Variants in COL22A1 observed in about 807,000 individuals in gnomAD.
The protein encoded by COL22A1 is collagen type XXII alpha 1 chain.
A neutral mutation model predicts 248.9 loss-of-function variants in COL22A1; 221 were observed. That is an observed-to-expected ratio of 0.89 (90% CI 0.80 to 0.99). The LOEUF (loss-of-function observed/expected upper bound fraction) is 0.99. Ranked by LOEUF, COL22A1 falls within the 50% of genes least tolerant of loss-of-function variation. COL22A1 has a pLI of 0.00. For missense variants in COL22A1, 2,240 were observed against 2,179.0 expected, an observed-to-expected ratio of 1.03 and a Z score of -0.56; for synonymous variants, 891 against 793.4, an observed-to-expected ratio of 1.12 and a Z score of -2.07.
intron 3 of COL22A1, among the ~76,000 whole-genome samples, chr8:138,856,622 C>A: frequency 7.3e-6 from 1 of 137,202 alleles, no homozygotes; most frequent in South Asian, 2.3e-4. Context: ...GAGAGAGGAG[C>A]AGAGAAAGCA....
chr8:138,808,245 A>G (rs1817897975), intron 9 of COL22A1, among the ~76,000 whole-genome samples: 1 of 152,210 alleles, frequency 6.6e-6, no homozygotes, highest in South Asian at 2.1e-4. Context: ...AGTATTTGAG[A>G]GGATGGATAT....
chr8:138,823,988 CT>C (rs1242313619), intron 6 of COL22A1, among the ~76,000 whole-genome samples: 1 of 152,180 alleles, frequency 6.6e-6, no homozygotes, highest in Non-Finnish European at 1.5e-5. Flanking sequence ...CAACCTGGGT[CT>C]TCTGGTCTCT....
In COL22A1 at chr8:138,716,850, C is replaced by G; in HGVS notation, c.2375G>C (p.Gly792Ala). The G allele has an allele frequency of 6.2e-7, 1 of 1,612,370 alleles. No individual in the cohort carries two copies. The highest frequency in any genetic ancestry group is 1.1e-5 in the South Asian group (1 of 91,018). Residue 792 changes from glycine to alanine, a missense_variant, in exon 28 of 65, where the codon GGC becomes GCC. Gly to Ala is a moderately conservative substitution (Grantham distance 60). Coordinates refer to ENST00000303045, the MANE Select transcript of COL22A1 (RefSeq NM_152888.3). ...CTTCTCTCCAGGTCGGCCTGCCAGG[C>G]CCTGCTCCCCAATTTCTCCCTGAAA... ...PGLRGEIGEQGLAGRPGEKGE... is the reference protein window; with the variant it reads ...PGLRGEIGEQALAGRPGEKGE...
chr8:138,590,530 AAAAT>A (rs1564068918), intron 64 of COL22A1, among the ~76,000 whole-genome samples: 1 of 152,148 alleles, frequency 6.6e-6, no homozygotes, highest in African/African-American at 2.4e-5. Flanking sequence ...GTGAGCCATA[AAAAT>A]AAATATTAAT....
chr8:138,608,885 T>C (rs1033907238), intron 56 of COL22A1, among the ~76,000 whole-genome samples: 6 of 152,202 alleles, frequency 3.9e-5, no homozygotes, highest in Admixed American at 1.3e-4. Context: ...CGCCTTGTCG[T>C]TCTTTGGATT....
At chr8:138,717,065 C>T (rs1829495585) in intron 27 of COL22A1, among the ~76,000 whole-genome samples, 196 bp from the exon 28 acceptor site, 2 of 152,192 alleles carry the variant, frequency 1.3e-5, no homozygotes, top group Admixed American at 6.5e-5. Context: ...GAGCAGAATC[C>T]ACTTTCTCAT....
At chr8:138,617,028 T>C (rs541206653) in intron 53 of COL22A1, 70 bp from the exon 54 acceptor site, 9 of 1,560,420 alleles carry the variant, frequency 5.8e-6, no homozygotes, top group South Asian at 5.6e-5. Context: ...CAGGCATACC[T>C]CCCTGCCGGC....
intron 41 of COL22A1, among the ~76,000 whole-genome samples, chr8:138,675,146 TG>T (rs1200506906): frequency 6.6e-6 from 1 of 151,824 alleles, no homozygotes; most frequent in Non-Finnish European, 1.5e-5. Context: ...TCATTGTGAG[TG>T]GGTAGAAATA....
At chr8:138,655,538 A>T (rs1244047808) in intron 45 of COL22A1, among the ~76,000 whole-genome samples, 1 of 151,760 alleles carries the variant, frequency 6.6e-6, no homozygotes, top group African/African-American at 2.4e-5. Flanking sequence ...TTTAAAAAAC[A>T]TTTTTTTTGG....
intron 22 of COL22A1, among the ~76,000 whole-genome samples, chr8:138,742,933 G>T (rs1486748691): frequency 6.6e-6 from 1 of 151,812 alleles, no homozygotes; most frequent in African/African-American, 2.4e-5. Context: ...TAATGGTGGA[G>T]TTGATGGTGA....
At position 138,811,824 on chromosome 8, in the gene COL22A1, T is replaced by G. The variant is rs752357481; in HGVS notation, c.1424A>C (p.Asn475Thr). The G allele has an allele frequency of 1.9e-6, 3 of 1,611,964 alleles. No individual in the cohort carries two copies. Among genetic ancestry groups the G allele is most frequent in the South Asian group, 1.1e-5 (1 of 90,952 alleles). Reference sequence around the variant, plus strand: ...CTTCTCTCCAGCTGGGCAGGAGCAGTTGATGGTCTTCAAAAACCCAATCTG... The same window carrying G: ...CTTCTCTCCAGCTGGGCAGGAGCAGGTGATGGTCTTCAAAAACCCAATCTG... ...SEQIGFLKTI[N>T]CSCPAGEKGE... The change falls in exon 9 of 65, where the codon AAC (asparagine) becomes ACC (threonine). Residue 475 changes from asparagine (N) to threonine (T), a missense_variant. By Grantham distance (65) the Asn-to-Thr change is moderately conservative. Coordinates refer to ENST00000303045, the MANE Select transcript of COL22A1 (RefSeq NM_152888.3).
At chr8:138,652,854 C>T (rs1822883854) in intron 45 of COL22A1, among the ~76,000 whole-genome samples, 1 of 139,276 alleles carries the variant, frequency 7.2e-6, no homozygotes, top group African/African-American at 2.7e-5. Context: ...TCAAGCAATT[C>T]TCCCACCTCA....
At chr8:138,837,234 A>T (rs1820507319) in intron 4 of COL22A1, among the ~76,000 whole-genome samples, 1 of 152,156 alleles carries the variant, frequency 6.6e-6, no homozygotes, top group Non-Finnish European at 1.5e-5. Flanking sequence ...CCACCACCCC[A>T]GAGCCCCACC....
chr8:138,642,056 A>G (rs946066734), intron 47 of COL22A1, among the ~76,000 whole-genome samples: 25 of 152,196 alleles, frequency 1.6e-4, no homozygotes, highest in African/African-American at 5.8e-4. Flanking sequence ...CATTTTCTCA[A>G]CAATAAGTGG....
Position 138,623,734 on chromosome 8 carries a change from G to C in COL22A1, c.3769C>G (p.Pro1257Ala). 1 of 1,610,586 alleles carries C rather than the reference G, an allele frequency of 6.2e-7. No homozygotes were observed. Among genetic ancestry groups the C allele is most frequent in the Non-Finnish European group, 8.5e-7 (1 of 1,178,710 alleles). The change falls in exon 52 of 65, where the codon CCG becomes GCG. Residue 1257 changes from proline to alanine, a missense_variant and splice_region_variant. Transcript: ENST00000303045. ...ATAGGAAGTTTAGAGTCCTTTACCG[G>C]CTCTCCAGGGGGACCCGGCTTTCCA... Reference protein sequence around the residue: ...RDGKPGPPGEPGKAGEPGLPG... With the variant: ...RDGKPGPPGEAGKAGEPGLPG...
intron 3 of COL22A1, among the ~76,000 whole-genome samples, chr8:138,858,338 TTTTTTTTC>T (rs1236658895): frequency 6.6e-6 from 1 of 152,104 alleles, no homozygotes; most frequent in Non-Finnish European, 1.5e-5. Flanking sequence ...CCTACTGGAA[TTTTTTTTC>T]TTTTTTTCTT....
chr8:138,680,924 G>T (rs1373768780), intron 39 of COL22A1, among the ~76,000 whole-genome samples: 1 of 152,206 alleles, frequency 6.6e-6, no homozygotes, highest in Admixed American at 6.5e-5. Flanking sequence ...GACTTGCTCT[G>T]AGACTCACGG....
At chr8:138,679,163 CCTCT>C (rs1272924217) in intron 40 of COL22A1, among the ~76,000 whole-genome samples, 1 of 152,118 alleles carries the variant, frequency 6.6e-6, no homozygotes, top group Non-Finnish European at 1.5e-5. Context: ...AACAGTCCTC[CCTCT>C]ATTATTACCT....
At chr8:138,678,470 T>C (rs28576317) in intron 40 of COL22A1, among the ~76,000 whole-genome samples, 2,364 of 152,280 alleles carry the variant, frequency 0.016, 62 homozygotes, top group African/African-American at 0.054. Context: ...TAGTATAATC[T>C]GTTTCTTTAG....
Sources: allele counts gnomAD v4.1 joint callset (sites outside exome capture counted in the v4.1 genomes callset), GRCh38; gene constraint gnomAD v4.1.1; transcripts MANE v1.5; gene names NCBI Gene and HGNC (gene_info 2026-07-23, HGNC 2026-07-21).